CLINT1: variants seen among roughly 807,000 people sequenced by gnomAD.
CLINT1 encodes the protein clathrin interactor 1, also known as clathrin interacting protein localized in the trans-Golgi region.
A neutral mutation model predicts 70.4 loss-of-function variants in CLINT1; 15 were observed. The ratio of observed to expected loss-of-function variants is 0.21; its 90% CI spans 0.14 to 0.33. CLINT1 has a LOEUF of 0.33. CLINT1 is among the 10% of genes least tolerant of loss of function. The pLI is 1.00. For missense variants in CLINT1, 615 were observed against 778.1 expected, an observed-to-expected ratio of 0.79 and a Z score of 2.49; for synonymous variants, 227 against 254.7, an observed-to-expected ratio of 0.89 and a Z score of 1.04.
intron 1 of CLINT1, among the ~76,000 whole-genome samples, chr5:157,835,257 G>A (rs916392004): frequency 4.6e-5 from 7 of 152,186 alleles, no homozygotes; most frequent in African/African-American, 1.7e-4. Context: ...AAAAATGCGT[G>A]TGAGATAAGC....
At chr5:157,835,789 G>C (rs1388362377) in intron 1 of CLINT1, among the ~76,000 whole-genome samples, 1 of 152,138 alleles carries the variant, frequency 6.6e-6, no homozygotes, top group Non-Finnish European at 1.5e-5. Flanking sequence ...TATATCCTCT[G>C]AAATTAACTC....
At position 157,792,002 on chromosome 5, in the gene CLINT1, C is replaced by T. The variant is rs746292956; in HGVS notation, c.1088-7G>A. 3 of 1,609,622 alleles carry T rather than the reference C, an allele frequency of 1.9e-6. No individual in the cohort carries two copies. Among genetic ancestry groups the T allele is most frequent in the African/African-American group, 2.7e-5 (2 of 74,682 alleles). On this transcript the variant is annotated splice_polypyrimidine_tract_variant and splice_region_variant and intron_variant, in intron 9 of 11. Transcript: ENST00000411809. ...TTCCCACTTGTTGCTGTTACTAAGA[C>T]AGAAATAACTCTAAGGGTAAGAAAC...
At chr5:157,851,987 C>T (rs1753593349) in intron 1 of CLINT1, among the ~76,000 whole-genome samples, 1 of 152,108 alleles carries the variant, frequency 6.6e-6, no homozygotes, top group Admixed American at 6.6e-5. Flanking sequence ...ATGTGCTTTC[C>T]TTGTATATAC....
chr5:157,803,413 T>C (rs1351160530), intron 8 of CLINT1, among the ~76,000 whole-genome samples: 1 of 152,144 alleles, frequency 6.6e-6, no homozygotes, highest in Non-Finnish European at 1.5e-5. Context: ...AAACAAAGTT[T>C]TGCTAGTCTG....
intron 1 of CLINT1, among the ~76,000 whole-genome samples, chr5:157,834,313 C>T (rs953416039): frequency 6.6e-6 from 1 of 151,628 alleles, no homozygotes; most frequent in Non-Finnish European, 1.5e-5. Context: ...TGCAGTAAGC[C>T]GAGACTGCGC....
chr5:157,830,906 T>C (rs1287129956), intron 1 of CLINT1, among the ~76,000 whole-genome samples: 2 of 151,248 alleles, frequency 1.3e-5, no homozygotes. Context: ...GACACACCTG[T>C]AGTCCCAGCT....
rs143920649 is a variant in CLINT1, at chr5:157,787,119, A to C, written c.*527T>G. On this transcript the variant is annotated 3_prime_UTR_variant, in exon 12 of 12. Coordinates refer to ENST00000411809, the MANE Select transcript of CLINT1 (RefSeq NM_014666.4). Reference sequence around the variant, plus strand: ...TTCCAGTTACCTTTGATTTAGCCATAATCACATATGTATGCTTTTTTTTTT... The same window carrying C: ...TTCCAGTTACCTTTGATTTAGCCATCATCACATATGTATGCTTTTTTTTTT... 6.5e-6 allele frequency: 1 copy of C among 154,256 alleles called. No individual in the cohort carries two copies. The highest frequency in any genetic ancestry group is 1.4e-5 in the Non-Finnish European group (1 of 69,092). The allele number at this position is 154,256 out of a possible 1,614,324, so 9.6% of individuals were successfully genotyped here.
intron 1 of CLINT1, among the ~76,000 whole-genome samples, chr5:157,849,129 G>A (rs1392555084): frequency 6.6e-6 from 1 of 152,170 alleles, no homozygotes; most frequent in Non-Finnish European, 1.5e-5. Context: ...TTCTACTTTA[G>A]GTAAAATGCT....
intron 1 of CLINT1, among the ~76,000 whole-genome samples, chr5:157,831,893 C>T (rs572630435): frequency 2.0e-5 from 3 of 151,886 alleles, no homozygotes; most frequent in East Asian, 3.9e-4. Context: ...GGTTGCACCA[C>T]GTTGGCCGGG....
chr5:157,804,149 A>C (rs777930549), intron 7 of CLINT1, among the ~76,000 whole-genome samples: 1 of 152,124 alleles, frequency 6.6e-6, no homozygotes, highest in African/African-American at 2.4e-5. Context: ...TTAAAGTCTT[A>C]CAAGAAAGCT....
At position 157,786,844 on chromosome 5, in the gene CLINT1, G is replaced by A. The variant is rs1761742414; in HGVS notation, c.*802C>T. 1 of 152,136 alleles carries A rather than the reference G, an allele frequency of 6.6e-6. No homozygotes were observed. Among genetic ancestry groups the A allele is most frequent in the South Asian group, 2.1e-4 (1 of 4,826 alleles). 9.4% of individuals were successfully genotyped at this position (152,136 alleles called of 1,614,324 possible). A position where few individuals can be genotyped will look rare whatever the true frequency, so the allele number is the denominator to read the frequency against. ...GCTACAGGGATAAACACGGAAGGAAGCCTTGCCAAGTTAATCACTGCAAAT... is the reference window on the plus strand; with the variant it reads ...GCTACAGGGATAAACACGGAAGGAAACCTTGCCAAGTTAATCACTGCAAAT... On this transcript the variant is annotated 3_prime_UTR_variant, in exon 12 of 12. Transcript: ENST00000411809.
chr5:157,832,994 A>G (rs1763291984), intron 1 of CLINT1, among the ~76,000 whole-genome samples: 2 of 152,200 alleles, frequency 1.3e-5, no homozygotes, highest in South Asian at 4.1e-4. Flanking sequence ...TGAAATACAA[A>G]TCCTTACTAA....
At chr5:157,828,161 A>C (rs562477005) in intron 1 of CLINT1, among the ~76,000 whole-genome samples, 36 of 152,158 alleles carry the variant, frequency 2.4e-4, no homozygotes, top group Non-Finnish European at 4.6e-4. Context: ...TGCTGCTATT[A>C]TGACCTGGGC....
At chr5:157,834,016 T>C (rs921955931) in intron 1 of CLINT1, among the ~76,000 whole-genome samples, 4 of 152,150 alleles carry the variant, frequency 2.6e-5, no homozygotes, top group African/African-American at 9.7e-5. Flanking sequence ...TCCATACACC[T>C]GGGGACACAA....
intron 1 of CLINT1, among the ~76,000 whole-genome samples, chr5:157,834,617 A>G (rs997732118): frequency 1.3e-5 from 2 of 152,096 alleles, no homozygotes; most frequent in African/African-American, 4.8e-5. Context: ...GCTGATTAGC[A>G]TTACTGCCTT....
intron 10 of CLINT1, among the ~76,000 whole-genome samples, chr5:157,791,076 TGAGA>T (rs1761886941): frequency 6.6e-6 from 1 of 152,194 alleles, no homozygotes; most frequent in African/African-American, 2.4e-5. Context: ...TCCTTTTTTT[TGAGA>T]CGGAGTATCA....
chr5:157,842,825 G>A lies in CLINT1; in HGVS notation c.41+16105C>T, dbSNP rs77766808. ...AAAACACTCCTATTCTGTACTTACA[G>A]CAACTTCAGACTCACATCGTTTTGC... On this transcript the variant is annotated intron_variant, in intron 1 of 11. Transcript: ENST00000411809. Among the ~76,000 whole-genome samples the A allele has an allele frequency of 6.4e-3, 980 of 152,282 alleles. 9 individuals carry two copies. Among genetic ancestry groups the A allele is most frequent in the African/African-American group, 0.022 (913 of 41,550 alleles).
rs190324809 is a variant in CLINT1 at position 157,835,208 on chromosome 5, C to T, written c.42-17661G>A. On this transcript the variant is annotated intron_variant, in intron 1 of 11. Transcript: ENST00000411809. ...CATAGTGTTCAAGTGCTATGTAGTG[C>T]TCCTAAACACAGGAAGATTGTGATA... 1.8e-3 allele frequency among the ~76,000 whole-genome samples: 270 copies of T among 152,244 alleles called. 1 individual carries two copies. Among genetic ancestry groups the T allele is most frequent in the Non-Finnish European group, 2.7e-3 (184 of 68,024 alleles).
chr5:157,853,624 A>G (rs1753648714), intron 1 of CLINT1, among the ~76,000 whole-genome samples: 1 of 151,642 alleles, frequency 6.6e-6, no homozygotes, highest in Admixed American at 6.6e-5. Flanking sequence ...TAAAATTACA[A>G]AAATTAGCCG....
Sources: gnomAD v4.1 joint callset for allele counts (sites outside exome capture counted in the v4.1 genomes callset) on GRCh38, gnomAD v4.1.1 for gene constraint, MANE v1.5 for transcripts, NCBI Gene and HGNC (gene_info 2026-07-23, HGNC 2026-07-21) for gene names.